The following SLC35F4 variants were observed in gnomAD, a reference collection of about 807,000 sequenced individuals.
The protein encoded by SLC35F4 is chromosome 14 open reading frame 36.
Under a neutral mutation model 44.2 loss-of-function variants are expected in SLC35F4, and 24 were observed. That is an observed-to-expected ratio of 0.54 (90% CI 0.39 to 0.76). The LOEUF (loss-of-function observed/expected upper bound fraction) is 0.76. SLC35F4 is among the 30% of genes least tolerant of loss of function. SLC35F4 has a pLI of 0.00. For synonymous variants in SLC35F4, 238 were observed against 223.6 expected, an observed-to-expected ratio of 1.06 and a Z score of -0.57; for missense variants, 562 against 586.1, an observed-to-expected ratio of 0.96 and a Z score of 0.42.
At chr14:57,695,179 T>A (rs1320314879) in intron 1 of SLC35F4, among the ~76,000 whole-genome samples, 1 of 152,104 alleles carries the variant, frequency 6.6e-6, no homozygotes. Flanking sequence ...TGGGATCTAA[T>A]TAAACTAAAG....
downstream of SLC35F4, among the ~76,000 whole-genome samples, chr14:57,975,056 A>C (rs1881175038): frequency 6.6e-6 from 1 of 152,220 alleles, no homozygotes; most frequent in Non-Finnish European, 1.5e-5. Flanking sequence ...CTTTCAGCTA[A>C]TGTATTCTCT....
intron 1 of SLC35F4, among the ~76,000 whole-genome samples, chr14:57,863,449 G>T (rs1165449091): frequency 1.3e-5 from 2 of 152,310 alleles, no homozygotes; most frequent in East Asian, 3.9e-4. Context: ...TAGATATCTA[G>T]AGATTGTCCT....
chr14:57,664,539 G>T (rs1314822794), intron 1 of SLC35F4, among the ~76,000 whole-genome samples: 1 of 152,118 alleles, frequency 6.6e-6, no homozygotes, highest in Non-Finnish European at 1.5e-5. Context: ...CTCCCAAGTA[G>T]CTAGGACTAC....
chr14:57,853,680 T>G (rs904314938), intron 1 of SLC35F4, among the ~76,000 whole-genome samples: 1 of 151,288 alleles, frequency 6.6e-6, no homozygotes, highest in East Asian at 2.3e-4. Flanking sequence ...CTGCTGGCAG[T>G]GGCTATTTTC....
At chr14:57,718,030 T>TCTTC (rs1161753488) in intron 1 of SLC35F4, among the ~76,000 whole-genome samples, 1 of 152,196 alleles carries the variant, frequency 6.6e-6, no homozygotes, top group African/African-American at 2.4e-5. Flanking sequence ...TCCCAACTAC[T>TCTTC]CTTCCCAGCC....
At chr14:57,830,714 G>A (rs1238432640) in intron 1 of SLC35F4, among the ~76,000 whole-genome samples, 1 of 152,134 alleles carries the variant, frequency 6.6e-6, no homozygotes, top group Non-Finnish European at 1.5e-5. Flanking sequence ...GATATATTCT[G>A]TAAAATACCA....
intron 5 of SLC35F4, among the ~76,000 whole-genome samples, chr14:57,571,361 TC>T (rs1328765480): frequency 6.6e-6 from 1 of 152,150 alleles, no homozygotes; most frequent in Non-Finnish European, 1.5e-5. Flanking sequence ...AAAAAGAGCT[TC>T]TTCATTTTGC....
At chr14:57,629,914 C>G (rs764229519) in intron 1 of SLC35F4, 14 of 463,712 alleles carry the variant, frequency 3.0e-5, no homozygotes, top group Non-Finnish European at 6.0e-5. Context: ...TGTCCTGCTA[C>G]CAGTATCGCT....
Position 57,760,065 on chromosome 14 carries a change from A to G in SLC35F4, c.103+105658T>C, listed in dbSNP as rs576199957. On this transcript the variant is annotated intron_variant, in intron 1 of 7. Transcript: ENST00000556826. ...CCTGTTTACTTATTTTTGCTTTTGT[A>G]GCCTGAGATTTTGGTGTGATATCCA... 2.0e-5 allele frequency among the ~76,000 whole-genome samples: 3 copies of G among 151,776 alleles called. 1 individual carries two copies. The South Asian group carries it at 6.2e-4, about 32-fold the overall frequency.
chr14:57,883,446 C>T (rs1888583235), intron 1 of SLC35F4, among the ~76,000 whole-genome samples: 1 of 152,156 alleles, frequency 6.6e-6, no homozygotes, highest in Admixed American at 6.5e-5. Flanking sequence ...ACCACTCTCA[C>T]CTTAGCATTT....
intron 1 of SLC35F4, among the ~76,000 whole-genome samples, chr14:57,967,433 T>C (rs1880906825): frequency 6.6e-6 from 1 of 152,204 alleles, no homozygotes; most frequent in South Asian, 2.1e-4. Context: ...ATGAAAAGCA[T>C]TCAGAATTGT....
intron 1 of SLC35F4, among the ~76,000 whole-genome samples, chr14:57,775,689 C>T (rs1038546187): frequency 2.0e-5 from 3 of 152,182 alleles, no homozygotes; most frequent in African/African-American, 7.2e-5. Flanking sequence ...CATCTGCTCA[C>T]AAAGATGAGA....
At chr14:57,718,696 T>C (rs907977161) in intron 1 of SLC35F4, among the ~76,000 whole-genome samples, 3 of 152,218 alleles carry the variant, frequency 2.0e-5, no homozygotes, top group African/African-American at 4.8e-5. Context: ...GATTATTAGA[T>C]TTTTTCCTAT....
At chr14:57,927,360 A>G (rs1889598188) in intron 1 of SLC35F4, among the ~76,000 whole-genome samples, 1 of 152,138 alleles carries the variant, frequency 6.6e-6, no homozygotes, top group Non-Finnish European at 1.5e-5. Context: ...AAGGGACTCA[A>G]GGTTTAGAGA....
chr14:57,574,116 A>G (rs2068656060), intron 4 of SLC35F4, among the ~76,000 whole-genome samples: 1 of 152,212 alleles, frequency 6.6e-6, no homozygotes, highest in African/African-American at 2.4e-5. Flanking sequence ...AAGGACAGGC[A>G]GTTGGTTTCA....
At chr14:57,697,470 C>T (rs1347179351) in intron 1 of SLC35F4, among the ~76,000 whole-genome samples, 1 of 151,946 alleles carries the variant, frequency 6.6e-6, no homozygotes, top group African/African-American at 2.4e-5. Flanking sequence ...GAGGCCGAGG[C>T]GGGCAGATTG....
chr14:57,937,273 G>T (rs754478262), intron 1 of SLC35F4, among the ~76,000 whole-genome samples: 1 of 151,870 alleles, frequency 6.6e-6, no homozygotes, highest in African/African-American at 2.4e-5. Context: ...TCTCAATGTC[G>T]GTCAGGCTGG....
intron 1 of SLC35F4, among the ~76,000 whole-genome samples, chr14:57,758,822 A>G (rs993793829): frequency 3.3e-5 from 5 of 152,212 alleles, no homozygotes; most frequent in African/African-American, 1.2e-4. Context: ...AATATTGTAT[A>G]GAAGATCTCT....
chr14:57,632,964 T>C (rs1454110191), intron 1 of SLC35F4, among the ~76,000 whole-genome samples: 1 of 152,138 alleles, frequency 6.6e-6, no homozygotes, highest in Non-Finnish European at 1.5e-5. Flanking sequence ...TTTTCCAGAA[T>C]GTCATATCAT....
Sources: allele counts gnomAD v4.1 joint callset (sites outside exome capture counted in the v4.1 genomes callset), GRCh38; gene constraint gnomAD v4.1.1; transcripts MANE v1.5; gene names NCBI Gene and HGNC (gene_info 2026-07-23, HGNC 2026-07-21).